The following SUPT3H variants were observed in gnomAD, a reference collection of about 807,000 sequenced individuals.
The protein encoded by SUPT3H is transcription initiation protein SPT3 homolog.
A neutral mutation model predicts 44.3 loss-of-function variants in SUPT3H; 44 were observed. The ratio of observed to expected loss-of-function variants is 0.99; its 90% CI spans 0.78 to 1.28. The LOEUF is 1.28. Ranked by LOEUF, SUPT3H falls within the 50% of genes most tolerant of loss-of-function variation. The pLI is 0.00. For missense variants in SUPT3H, 380 were observed against 387.1 expected (o/e 0.98, Z 0.15); for synonymous variants, 124 against 125.6 (o/e 0.99, Z 0.09).
At chr6:44,900,054 C>T (rs545315209) in intron 10 of SUPT3H, among the ~76,000 whole-genome samples, 3 of 152,302 alleles carry the variant, frequency 2.0e-5, no homozygotes, top group East Asian at 1.9e-4. Context: ...GGAGCCAAGA[C>T]GGCTGAATAG....
In SUPT3H at chr6:45,226,698, A is replaced by T. The variant is rs376019953; in HGVS notation, c.102-120692T>A. ...AGGCCCATGCCACCACACCCAGCTA[A>T]TTTTTATATTTTAGTAGAGACGGGG... is the stretch of plus-strand genomic sequence containing the variant. On this transcript the variant is annotated intron_variant, in intron 2 of 10. Coordinates refer to ENST00000371459, the MANE Select transcript of SUPT3H (RefSeq NM_003599.4). 3.4e-4 allele frequency among the ~76,000 whole-genome samples: 52 copies of T among 152,188 alleles called. No individual in the cohort carries two copies. The South Asian group carries it at 1.0e-2, about 29-fold the overall frequency.
At chr6:44,834,465 T>G (rs2153412496) in intron 10 of SUPT3H, among the ~76,000 whole-genome samples, 1 of 152,260 alleles carries the variant, frequency 6.6e-6, no homozygotes, top group South Asian at 2.1e-4. Flanking sequence ...ACAGTCTGTC[T>G]GACTGCCACA....
intron 2 of SUPT3H, among the ~76,000 whole-genome samples, chr6:45,313,364 T>C (rs1247011629): frequency 1.3e-5 from 2 of 152,062 alleles, no homozygotes; most frequent in Non-Finnish European, 2.9e-5. Flanking sequence ...AGATGGTTAT[T>C]TGAAAAGATA....
chr6:45,138,417 A>T (rs1039442138), intron 2 of SUPT3H, among the ~76,000 whole-genome samples: 1 of 152,192 alleles, frequency 6.6e-6, no homozygotes, highest in Non-Finnish European at 1.5e-5. Context: ...TTTCACAGCT[A>T]CATTACTCAT....
chr6:44,997,154 A>AT (rs1348071233), intron 6 of SUPT3H, among the ~76,000 whole-genome samples: 3 of 151,704 alleles, frequency 2.0e-5, no homozygotes, highest in Non-Finnish European at 4.4e-5. Flanking sequence ...GGCTATCCTA[A>AT]TTTTTTATAA....
chr6:45,149,255 T>C (rs1376858442), intron 2 of SUPT3H, among the ~76,000 whole-genome samples: 1 of 152,136 alleles, frequency 6.6e-6, no homozygotes, highest in Non-Finnish European at 1.5e-5. Flanking sequence ...CAATTTTCAC[T>C]CCAATTATTT....
At chr6:45,218,744 A>T (rs1765505131) in intron 2 of SUPT3H, among the ~76,000 whole-genome samples, 1 of 152,210 alleles carries the variant, frequency 6.6e-6, no homozygotes, top group African/African-American at 2.4e-5. Context: ...CAAAAAAAGT[A>T]CTAGTGAGAA....
chr6:45,012,664 G>T (rs1783666632), intron 5 of SUPT3H, among the ~76,000 whole-genome samples: 1 of 151,394 alleles, frequency 6.6e-6, no homozygotes, highest in South Asian at 2.1e-4. Flanking sequence ...CCAAAAAGCA[G>T]TTTCTATTGT....
chr6:45,126,432 C>T (rs528221253), intron 2 of SUPT3H, among the ~76,000 whole-genome samples: 1 of 152,314 alleles, frequency 6.6e-6, no homozygotes, highest in East Asian at 1.9e-4. Flanking sequence ...TGAAATGTTA[C>T]AACCACACAT....
rs527731225 is a variant in SUPT3H at position 45,177,718 on chromosome 6, C to T, written c.102-71712G>A. ...GAAGCCCATCAGACTAACAGCTGATCTCTCAGCAGAAACTCTACAAGCCAG... is the reference window on the plus strand; with the variant it reads ...GAAGCCCATCAGACTAACAGCTGATTTCTCAGCAGAAACTCTACAAGCCAG... On this transcript the variant is annotated intron_variant, in intron 2 of 10. Coordinates refer to ENST00000371459, the MANE Select transcript of SUPT3H (RefSeq NM_003599.4). Among the ~76,000 whole-genome samples the T allele has an allele frequency of 7.3e-4, 111 of 152,078 alleles. 1 individual carries two copies. The highest frequency in any genetic ancestry group is 3.4e-3 in the Middle Eastern group (1 of 294).
intron 2 of SUPT3H, among the ~76,000 whole-genome samples, chr6:45,301,246 G>A (rs2149925184): frequency 6.6e-6 from 1 of 152,192 alleles, no homozygotes; most frequent in East Asian, 1.9e-4. Flanking sequence ...ACGAGAAAAA[G>A]GAAGCTTACA....
chr6:45,360,147 TCAGA>T (rs1264703110), intron 2 of SUPT3H, among the ~76,000 whole-genome samples: 1 of 152,162 alleles, frequency 6.6e-6, no homozygotes. Context: ...GAATCTGGAG[TCAGA>T]CTTCCTGGCA....
intron 2 of SUPT3H, among the ~76,000 whole-genome samples, chr6:45,184,411 G>A (rs1407966946): frequency 6.6e-6 from 1 of 152,070 alleles, no homozygotes; most frequent in African/African-American, 2.4e-5. Context: ...CCAAATTGAT[G>A]AAAATCTTCA....
intron 3 of SUPT3H, among the ~76,000 whole-genome samples, chr6:45,091,148 A>C (rs1167749639): frequency 6.6e-6 from 1 of 151,962 alleles, no homozygotes; most frequent in Non-Finnish European, 1.5e-5. Context: ...ATTATAACTT[A>C]TGCCTACATT....
chr6:45,043,375 G>T (rs1583222039), intron 3 of SUPT3H, among the ~76,000 whole-genome samples: 2 of 152,132 alleles, frequency 1.3e-5, no homozygotes, highest in Non-Finnish European at 2.9e-5. Context: ...TTACATGGGT[G>T]AGTTGTGTGT....
At chr6:44,990,698 CTCTT>C (rs1780492923) in intron 6 of SUPT3H, among the ~76,000 whole-genome samples, 2 of 152,130 alleles carry the variant, frequency 1.3e-5, no homozygotes, top group Admixed American at 6.6e-5. Flanking sequence ...ATTCATCTCT[CTCTT>C]TTTCTTCCCC....
intron 3 of SUPT3H, chr6:45,098,624 A>C: frequency 3.0e-6 from 1 of 332,330 alleles, no homozygotes; most frequent in Non-Finnish European, 5.8e-6. Flanking sequence ...TTATGGAATC[A>C]ATGATCCAGA....
intron 1 of SUPT3H, among the ~76,000 whole-genome samples, chr6:45,374,968 A>T (rs1475345315): frequency 6.6e-6 from 1 of 152,170 alleles, no homozygotes; most frequent in Non-Finnish European, 1.5e-5. Flanking sequence ...GAACTTTGGG[A>T]GGCTGAGGCG....
intron 3 of SUPT3H, among the ~76,000 whole-genome samples, chr6:45,070,139 T>C (rs758885931): frequency 1.3e-5 from 2 of 152,180 alleles, no homozygotes; most frequent in East Asian, 1.9e-4. Flanking sequence ...TCATAGGCTA[T>C]GAATCCAATG....
Sources: allele counts gnomAD v4.1 joint callset (sites outside exome capture counted in the v4.1 genomes callset), GRCh38; gene constraint gnomAD v4.1.1; transcripts MANE v1.5; gene names NCBI Gene and HGNC (gene_info 2026-07-23, HGNC 2026-07-21).